SHPRH: variants seen among roughly 807,000 people sequenced by gnomAD.
The protein encoded by SHPRH is SNF2 histone linker PHD RING helicase.
In SHPRH, 106 loss-of-function variants were observed where a neutral mutation model predicts 202.5. The observed-to-expected ratio is 0.52, with a 90% CI of 0.45 to 0.62. The LOEUF (loss-of-function observed/expected upper bound fraction) is 0.62. Among genes scored for constraint, SHPRH ranks in the 20% least tolerant of loss-of-function variants. The probability of loss-of-function intolerance (pLI) is 0.00; values close to 1 mark genes in which losing one functional copy is unlikely to be tolerated. For missense variants in SHPRH, 1,710 were observed against 2,020.0 expected, an observed-to-expected ratio of 0.85 and a Z score of 2.94; for synonymous variants, 729 against 686.0, an observed-to-expected ratio of 1.06 and a Z score of -0.98.
chr6:145,934,732 T>C (rs1056587641), intron 13 of SHPRH, among the ~76,000 whole-genome samples, 175 bp downstream of exon 13: 19 of 151,148 alleles, frequency 1.3e-4, no homozygotes, highest in African/African-American at 4.6e-4. Context: ...CTTAAAACCA[T>C]GAAAATAATT....
Position 145,943,306 on chromosome 6 carries a change from T to A in SHPRH, c.2075A>T (p.Asp692Val). 6.2e-7 allele frequency: 1 copy of A among 1,613,820 alleles called. No individual in the cohort carries two copies. Among genetic ancestry groups the A allele is most frequent in the South Asian group, 1.1e-5 (1 of 91,068 alleles). ...AGGCTTGATCTTCAGATTTTTCTCA[T>A]CATAATTCACACACTTTGCATGTTG... ...LWQHAKCVNY[D>V]EKNLKIKPFY... The change falls in exon 9 of 30, where the codon GAT becomes GTT. Residue 692 changes from aspartate to valine, a missense_variant. Coordinates refer to ENST00000275233, the MANE Select transcript of SHPRH (RefSeq NM_001042683.3).
In SHPRH at chr6:145,947,483, A is replaced by G. The variant is rs373195622; in HGVS notation, c.1212+10T>C. 7.3e-5 allele frequency: 118 copies of G among 1,611,808 alleles called. 1 individual carries two copies. The African/African-American group carries it at 1.4e-3, about 19-fold the overall frequency. On this transcript the variant is annotated intron_variant, in intron 6 of 29. Transcript: ENST00000275233. ...CCCCTGCTTTTGCAAGCCCTACTAT[A>G]CCCTCCTACCTCGGGAAGAGTGAGA...
rs1031614823 is a variant in SHPRH at position 145,958,978 on chromosome 6, G to A, written c.-32-3624C>T. Among the ~76,000 whole-genome samples, 13 of 152,018 alleles carry A rather than the reference G, an allele frequency of 8.6e-5. No individual in the cohort carries two copies. In the East Asian group the frequency reaches 1.2e-3, roughly 14 times the overall value. On this transcript the variant is annotated intron_variant, in intron 1 of 29. Coordinates refer to ENST00000275233, the MANE Select transcript of SHPRH (RefSeq NM_001042683.3). ...CTCCTGAGTAGCTGGGACTACAGGC[G>A]CCTGCCACTATGCCCAGCTAACTTT...
At chr6:145,878,415 G>C (rs1368090923) in intron 2 of SHPRH, among the ~76,000 whole-genome samples, 2 of 152,122 alleles carry the variant, frequency 1.3e-5, no homozygotes, top group Admixed American at 6.5e-5. Context: ...CATACAGAAG[G>C]CTCACTGTCC....
intron 11 of SHPRH, among the ~76,000 whole-genome samples, chr6:145,936,512 A>G (rs1407162583): frequency 6.6e-6 from 1 of 151,754 alleles, no homozygotes; most frequent in Non-Finnish European, 1.5e-5. Context: ...TTTTCTGTAG[A>G]GACAGGGCTT....
chr6:145,928,233 A>G (rs563020236), intron 14 of SHPRH, among the ~76,000 whole-genome samples: 4 of 152,096 alleles, frequency 2.6e-5, no homozygotes, highest in South Asian at 2.1e-4. Flanking sequence ...CTTTACACAG[A>G]AAGTTTGATG....
chr6:145,954,094 T>A (rs1481696110), intron 2 of SHPRH, among the ~76,000 whole-genome samples: 2 of 151,482 alleles, frequency 1.3e-5, no homozygotes, highest in Admixed American at 1.3e-4. Context: ...AATGCTATAC[T>A]AAATATTAAA....
At chr6:145,917,102 T>A (rs905650710) in intron 23 of SHPRH, 1 of 152,146 alleles carries the variant, frequency 6.6e-6, no homozygotes, top group Non-Finnish European at 1.5e-5. Flanking sequence ...AACTTTTTAA[T>A]TTTTTTCTTC....
At chr6:145,915,227 A>T (rs1231473366) in intron 23 of SHPRH, among the ~76,000 whole-genome samples, 1 of 149,218 alleles carries the variant, frequency 6.7e-6, no homozygotes, top group Non-Finnish European at 1.5e-5. Flanking sequence ...AAATAAATTA[A>T]ATTAAATCTT....
At chr6:145,869,160 C>T (rs1049814767) in intron 2 of SHPRH, among the ~76,000 whole-genome samples, 6 of 152,108 alleles carry the variant, frequency 3.9e-5, no homozygotes, top group Admixed American at 3.3e-4. Flanking sequence ...TTTGAGATAC[C>T]TGTTAAGGTC....
At chr6:145,886,848 T>C (rs1562282658) in intron 29 of SHPRH, 61 bp from the exon 30 acceptor site, 2 of 1,561,412 alleles carry the variant, frequency 1.3e-6, no homozygotes, top group African/African-American at 1.4e-5. Flanking sequence ...GCGATTATAT[T>C]TGTAGTAATA....
rs1163251681 is a variant in SHPRH, at chr6:145,943,180, A to C, written c.2201T>G (p.Ile734Ser). 6.2e-7 allele frequency: 1 copy of C among 1,611,012 alleles called. No individual in the cohort carries two copies. Among genetic ancestry groups the C allele is most frequent in the East Asian group, 2.2e-5 (1 of 44,834 alleles). ...AGATGACGACCTCACATGCCTGTTG[A>C]TCTCATCCACCCACTGGTGACAGAT... ...SSICHQWVDE[I>S]NRHVRSSSLR... Residue 734 changes from isoleucine (I) to serine (S), a missense_variant, in exon 9 of 30, where the codon ATC becomes AGC. Ile to Ser is a moderately radical substitution (Grantham distance 142, BLOSUM62 -2). Transcript: ENST00000275233.
At chr6:145,952,502 A>C in intron 2 of SHPRH, 24 bp from the exon 3 acceptor site, 1 of 1,588,288 alleles carries the variant, frequency 6.3e-7, no homozygotes, top group Non-Finnish European at 8.6e-7. Context: ...ATCAAAATAA[A>C]AGTAGTTTCA....
intron 14 of SHPRH, among the ~76,000 whole-genome samples, chr6:145,931,652 C>A (rs915776319): frequency 3.9e-5 from 6 of 151,928 alleles, no homozygotes; most frequent in Non-Finnish European, 5.9e-5. Flanking sequence ...TTTATTTTTT[C>A]TTTTTATCTA....
In SHPRH at chr6:145,943,224, CAG is replaced by C; in HGVS notation, c.2155_2156del (p.Leu719AspfsTer14). On this transcript the variant is annotated frameshift_variant, in exon 9 of 30. Transcript: ENST00000275233. LOFTEE classifies it high-confidence loss of function. Reference protein sequence around the residue: ...AMEPVSTRATLIISPSSICHQ... With the variant: ...AMEPVSTRATXIISPSSICHQ... ...GACAGATGGAACTTGGAGAGATGAT[CAG>C]AGTTGCTCTTGTTGACACTGGTTCC... 1 of 1,613,806 alleles carries C rather than the reference CAG, an allele frequency of 6.2e-7. No homozygotes were observed. The highest frequency in any genetic ancestry group is 8.5e-7 in the Non-Finnish European group (1 of 1,179,862).
intron 16 of SHPRH, 79 bp from the exon 17 acceptor site, chr6:145,924,925 C>G: frequency 9.3e-7 from 1 of 1,070,636 alleles, no homozygotes; most frequent in Non-Finnish European, 1.4e-6. Flanking sequence ...AAGAATGGGT[C>G]ATTTTATACA....
chr6:145,929,464 AAGTC>A (rs2128758767), intron 14 of SHPRH, among the ~76,000 whole-genome samples: 1 of 152,138 alleles, frequency 6.6e-6, no homozygotes, highest in Non-Finnish European at 1.5e-5. Flanking sequence ...TTTCTTTTAA[AAGTC>A]AGACCTTCAC....
chr6:145,908,471 A>T (rs1370526915), intron 25 of SHPRH: 5 of 152,108 alleles, frequency 3.3e-5, no homozygotes, highest in Admixed American at 3.3e-4. Flanking sequence ...CTGGTGTGAG[A>T]TGGTATCTCA....
In SHPRH at chr6:145,954,993, A is replaced by G; in HGVS notation, c.330T>C (p.Asn110=). 1.9e-6 allele frequency: 3 copies of G among 1,613,792 alleles called. No individual in the cohort carries two copies. The highest frequency in any genetic ancestry group is 2.5e-6 in the Non-Finnish European group (3 of 1,179,910). The change falls in exon 2 of 30, where the codon AAT becomes AAC. Residue 110 remains asparagine, a synonymous_variant. Transcript: ENST00000275233. ...NIVISPYHFD[N]SWKAFLGELT... ...ATTCTCCTAGAAATGCTTTCCAGGA[A>G]TTATCAAAATGATAGGGAGAAATCA...
Sources: gnomAD v4.1 joint callset for allele counts (sites outside exome capture counted in the v4.1 genomes callset) on GRCh38, gnomAD v4.1.1 for gene constraint, MANE v1.5 for transcripts, NCBI Gene and HGNC (gene_info 2026-07-23, HGNC 2026-07-21) for gene names.